CDH8: variants seen among roughly 807,000 people sequenced by gnomAD.
CDH8 encodes the protein cadherin-8.
CDH8 carries 17 observed loss-of-function variants against 68.1 expected under a neutral mutation model. The ratio of observed to expected loss-of-function variants is 0.25; its 90% CI spans 0.17 to 0.37. The LOEUF (loss-of-function observed/expected upper bound fraction) is 0.37. Ranked by LOEUF, CDH8 falls within the 10% of genes least tolerant of loss-of-function variation. The probability of loss-of-function intolerance (pLI) is 1.00; values close to 1 mark genes in which losing one functional copy is unlikely to be tolerated. For synonymous variants in CDH8, 372 were observed against 365.1 expected (o/e 1.02, Z -0.21); for missense variants, 763 against 999.3 (o/e 0.76, Z 3.19).
intron 2 of CDH8, among the ~76,000 whole-genome samples, chr16:62,002,779 T>C (rs1051443602): frequency 1.6e-4 from 25 of 152,212 alleles, no homozygotes; most frequent in Non-Finnish European, 2.5e-4. Flanking sequence ...TTTGGCCGGG[T>C]GCGGTGGCTC....
chr16:61,725,454 T>C (rs557851905), intron 9 of CDH8: 3 of 150,806 alleles, frequency 2.0e-5, no homozygotes, highest in East Asian at 3.9e-4. Flanking sequence ...AGCAATGGAG[T>C]TTTATTTAAA....
intron 10 of CDH8, among the ~76,000 whole-genome samples, chr16:61,708,830 T>G (rs568048651): frequency 1.3e-5 from 2 of 152,186 alleles, no homozygotes; most frequent in African/African-American, 4.8e-5. Context: ...TTCATGCAAA[T>G]TGAGCACTAC....
chr16:61,833,340 T>C (rs942759000), intron 4 of CDH8, among the ~76,000 whole-genome samples: 1 of 151,730 alleles, frequency 6.6e-6, no homozygotes, highest in Non-Finnish European at 1.5e-5. Flanking sequence ...TATGGATATA[T>C]AGATTCACAC....
intron 2 of CDH8, among the ~76,000 whole-genome samples, chr16:62,013,117 C>T (rs1283311254): frequency 2.4e-5 from 2 of 82,826 alleles, no homozygotes; most frequent in Non-Finnish European, 5.1e-5. Flanking sequence ...TAGCCGGGCG[C>T]GGTGGCGGGC....
At chr16:61,982,256 A>C (rs565173274) in intron 2 of CDH8, among the ~76,000 whole-genome samples, 1 of 151,886 alleles carries the variant, frequency 6.6e-6, no homozygotes, top group East Asian at 1.9e-4. Flanking sequence ...GTCTCGCTCT[A>C]TCGCCCAGGC....
At chr16:61,666,628 A>G (rs867178262) in intron 10 of CDH8, among the ~76,000 whole-genome samples, 34 of 84,034 alleles carry the variant, frequency 4.0e-4, no homozygotes, top group Non-Finnish European at 1.3e-4. Flanking sequence ...GAAGATCAGT[A>G]GGTATTGTGC....
chr16:61,725,735 A>C (rs989492841), intron 9 of CDH8: 2 of 150,926 alleles, frequency 1.3e-5, no homozygotes, highest in Admixed American at 1.3e-4. Flanking sequence ...ATAGGGGGTA[A>C]TTCCACATGA....
chr16:62,011,540 C>A (rs1901812978), intron 2 of CDH8, among the ~76,000 whole-genome samples: 1 of 152,140 alleles, frequency 6.6e-6, no homozygotes, highest in African/African-American at 2.4e-5. Flanking sequence ...GTGACTCTGG[C>A]TGGGTACAGA....
At position 61,745,946 on chromosome 16, in the gene CDH8, G is replaced by A. The variant is rs971992863; in HGVS notation, c.1415-18731C>T. Among the ~76,000 whole-genome samples the A allele has an allele frequency of 3.3e-5, 5 of 151,970 alleles. No homozygotes were observed. In the South Asian group the frequency reaches 1.0e-3, roughly 32 times the overall value. On this transcript the variant is annotated intron_variant, in intron 8 of 11. Coordinates refer to ENST00000577390, the MANE Select transcript of CDH8 (RefSeq NM_001796.5). ...TGTTATCTCCCTTTAGACAAATTTG[G>A]TTTTCTTCTCCCAGGAAGATATGTT...
intron 3 of CDH8, among the ~76,000 whole-genome samples, chr16:61,869,383 G>T (rs1040211479): frequency 6.6e-6 from 1 of 152,146 alleles, no homozygotes; most frequent in African/African-American, 2.4e-5. Context: ...TGCTACTAGG[G>T]AAAGGTGGAG....
intron 4 of CDH8, among the ~76,000 whole-genome samples, chr16:61,841,749 A>G (rs1191301169): frequency 1.3e-5 from 2 of 152,186 alleles, no homozygotes; most frequent in Non-Finnish European, 2.9e-5. Context: ...TTTTACTTAC[A>G]TGCTTGTATC....
intron 2 of CDH8, among the ~76,000 whole-genome samples, chr16:61,945,543 A>C (rs1215826553): frequency 6.6e-6 from 1 of 152,078 alleles, no homozygotes; most frequent in Non-Finnish European, 1.5e-5. Context: ...CTCTGGGAGC[A>C]TCCCTACTCA....
intron 9 of CDH8, 85 bp from the exon 10 acceptor site, chr16:61,714,043 G>A: frequency 4.8e-6 from 4 of 830,008 alleles, no homozygotes; most frequent in Non-Finnish European, 8.3e-6. Flanking sequence ...TTCTTTTTGT[G>A]GTCTGATACT....
chr16:61,709,051 TG>T (rs1322092778), intron 10 of CDH8, among the ~76,000 whole-genome samples: 1 of 152,058 alleles, frequency 6.6e-6, no homozygotes, highest in Non-Finnish European at 1.5e-5. Flanking sequence ...TTCTGCTTGT[TG>T]TTTGGGGATG....
chr16:61,992,177 G>A (rs1238978969), intron 2 of CDH8, among the ~76,000 whole-genome samples: 1 of 151,344 alleles, frequency 6.6e-6, no homozygotes, highest in East Asian at 2.0e-4. Flanking sequence ...TTAATATGTG[G>A]TTCAGAGATA....
chr16:61,850,527 G>A (rs1250531630), intron 4 of CDH8, among the ~76,000 whole-genome samples: 7 of 152,170 alleles, frequency 4.6e-5, no homozygotes, highest in Non-Finnish European at 7.4e-5. Context: ...AATTAGTTAC[G>A]TTTGGATTTC....
chr16:61,913,626 T>C (rs1466417466), intron 2 of CDH8, among the ~76,000 whole-genome samples: 1 of 152,124 alleles, frequency 6.6e-6, no homozygotes, highest in African/African-American at 2.4e-5. Context: ...TGTGTGTGCA[T>C]GTGTACGTTT....
At chr16:61,718,773 G>A (rs1959196845) in intron 9 of CDH8, among the ~76,000 whole-genome samples, 1 of 151,020 alleles carries the variant, frequency 6.6e-6, no homozygotes. Flanking sequence ...CATTTATGAG[G>A]GGAAAGGTCG....
chr16:61,652,339 A>G lies in CDH8; in HGVS notation c.*1269T>C, dbSNP rs116994466. ...TCCTGCTCTAAAACTGTGGGGGTAA[A>G]TTGAAGCATGTTTATTGGGCAGGGC... On this transcript the variant is annotated 3_prime_UTR_variant, in exon 12 of 12. Transcript: ENST00000577390. 13 of 984,958 alleles carry G rather than the reference A, an allele frequency of 1.3e-5. No homozygotes were observed. The East Asian group carries it at 1.5e-3, about 112-fold the overall frequency. The allele number at this position is 984,958 out of a possible 1,614,324, so 61.0% of individuals were successfully genotyped here. A position where few individuals can be genotyped will look rare whatever the true frequency, so the allele number is the denominator to read the frequency against.
Sources: allele counts gnomAD v4.1 joint callset (sites outside exome capture counted in the v4.1 genomes callset), GRCh38; gene constraint gnomAD v4.1.1; transcripts MANE v1.5; gene names NCBI Gene and HGNC (gene_info 2026-07-23, HGNC 2026-07-21).